The following ECD variants were observed in gnomAD, a reference collection of about 807,000 sequenced individuals.
The protein encoded by ECD is protein ecdysoneless homolog.
ECD carries 59 observed loss-of-function variants against 77.2 expected under a neutral mutation model. The ratio of observed to expected loss-of-function variants is 0.76; its 90% CI spans 0.62 to 0.95. The LOEUF is 0.95. ECD is among the 40% of genes least tolerant of loss of function. The pLI is 0.00. For synonymous variants in ECD, 233 were observed against 267.4 expected (o/e 0.87, Z 1.26); for missense variants, 704 against 763.4 (o/e 0.92, Z 0.92).
At chr10:73,155,184 A>T (rs1188438331) in intron 5 of ECD, among the ~76,000 whole-genome samples, 1 of 151,846 alleles carries the variant, frequency 6.6e-6, no homozygotes, top group African/African-American at 2.4e-5. Flanking sequence ...TCCTGCGCTC[A>T]GTCTCCCAAG....
intron 3 of ECD, among the ~76,000 whole-genome samples, chr10:73,158,599 G>A (rs1266810196): frequency 3.3e-5 from 5 of 151,968 alleles, no homozygotes; most frequent in Non-Finnish European, 5.9e-5. Context: ...AGCCAGGTGT[G>A]GTGGTGCACG....
At position 73,134,536 on chromosome 10, in the gene ECD, T is replaced by C. The variant is rs1160783144; in HGVS notation, c.*47A>G. 1 of 1,473,844 alleles carries C rather than the reference T, an allele frequency of 6.8e-7. No homozygotes were observed. The highest frequency in any genetic ancestry group is 9.3e-7 in the Non-Finnish European group (1 of 1,070,590). 91.3% of individuals were successfully genotyped at this position (1,473,844 alleles called of 1,614,324 possible). A position where few individuals can be genotyped will look rare whatever the true frequency, so the allele number is the denominator to read the frequency against. ...TCTAAACTAGAAATGAACAGAATCATATTCAATATTTATTTAAAAAGAAAA... is the reference window on the plus strand; with the variant it reads ...TCTAAACTAGAAATGAACAGAATCACATTCAATATTTATTTAAAAAGAAAA... On this transcript the variant is annotated 3_prime_UTR_variant, in exon 14 of 14. Coordinates refer to ENST00000372979, the MANE Select transcript of ECD (RefSeq NM_007265.3).
At chr10:73,160,677 G>T in intron 2 of ECD, 126 bp from the exon 3 acceptor site, 1 of 629,536 alleles carries the variant, frequency 1.6e-6, no homozygotes, top group Non-Finnish European at 2.6e-6. Context: ...AGCAGGGGTT[G>T]CAATCCTGAA....
In ECD at chr10:73,163,954, T is replaced by A. The variant is rs1270599944; in HGVS notation, c.-13-4A>T. 1.2e-6 allele frequency: 2 copies of A among 1,605,404 alleles called. No homozygotes were observed. The highest frequency in any genetic ancestry group is 1.5e-5 in the African/African-American group (1 of 68,236). On this transcript the variant is annotated splice_region_variant and splice_polypyrimidine_tract_variant and intron_variant, in intron 1 of 13. Transcript: ENST00000372979. ...TTCTTCCATTCTTCTTTGAAAACTA[T>A]GTTTAAAGTTCCAAAATATAAACCA...
intron 7 of ECD, among the ~76,000 whole-genome samples, chr10:73,149,726 A>G (rs924515871): frequency 5.9e-5 from 9 of 152,206 alleles, no homozygotes; most frequent in African/African-American, 1.9e-4. Flanking sequence ...CAGGTTTATC[A>G]GGAAGTTACC....
At chr10:73,166,314 G>C (rs1341386766) in intron 1 of ECD, among the ~76,000 whole-genome samples, 1 of 152,156 alleles carries the variant, frequency 6.6e-6, no homozygotes, top group Non-Finnish European at 1.5e-5. Context: ...TTGATATACT[G>C]ATTTCCTTTC....
rs1399485010 is a variant in ECD, at chr10:73,154,399, G to C, written c.640C>G (p.Pro214Ala). Residue 214 changes from proline to alanine, a missense_variant, in exon 6 of 14, where the codon CCA becomes GCA. Physicochemically the swap from Pro to Ala is conservative, Grantham distance 27 (BLOSUM62 -1). Around this residue, in one of 3 missense-constraint regions of ECD, gnomAD observed 559 missense variants for 583.7 expected, o/e 0.96. Coordinates refer to ENST00000372979, the MANE Select transcript of ECD (RefSeq NM_007265.3). ...ASLHRAHCFL[P>A]AGIVAVLKQR... is the part of the protein sequence containing the mutation. ...TTTAGCACTGCCACAATGCCAGCTG[G>C]AAGGAAGCAGTGTGCTCGATGAAGT... 6.2e-7 allele frequency: 1 copy of C among 1,613,706 alleles called. No individual in the cohort carries two copies. Among genetic ancestry groups the C allele is most frequent in the Non-Finnish European group, 8.5e-7 (1 of 1,179,958 alleles).
At chr10:73,163,227 A>G (rs1843403963) in intron 2 of ECD, among the ~76,000 whole-genome samples, 2 of 152,348 alleles carry the variant, frequency 1.3e-5, no homozygotes, top group African/African-American at 4.8e-5. Flanking sequence ...GGAAGCAATG[A>G]AGAAACCTCA....
chr10:73,150,332 T>C (rs983109494), intron 7 of ECD, among the ~76,000 whole-genome samples: 4 of 152,214 alleles, frequency 2.6e-5, no homozygotes, highest in South Asian at 2.1e-4. Flanking sequence ...TGTAGAAAGC[T>C]GAAACTGGAT....
chr10:73,141,714 A>T (rs1843060884), intron 9 of ECD, among the ~76,000 whole-genome samples: 1 of 151,950 alleles, frequency 6.6e-6, no homozygotes, highest in African/African-American at 2.4e-5. Flanking sequence ...TTTTGTTATG[A>T]TTATTTGGTT....
intron 3 of ECD, among the ~76,000 whole-genome samples, chr10:73,158,844 C>T (rs1843337067): frequency 6.6e-6 from 1 of 151,818 alleles, no homozygotes; most frequent in Non-Finnish European, 1.5e-5. Context: ...TCAAGTCCCG[C>T]CTGGGCAAAA....
chr10:73,139,513 A>G lies in ECD; in HGVS notation c.1235-18T>C. 1 of 1,610,772 alleles carries G rather than the reference A, an allele frequency of 6.2e-7. No homozygotes were observed. The highest frequency in any genetic ancestry group is 8.5e-7 in the Non-Finnish European group (1 of 1,178,898). On this transcript the variant is annotated intron_variant, in intron 10 of 13. Coordinates refer to ENST00000372979, the MANE Select transcript of ECD (RefSeq NM_007265.3). ...CTGGTCATCTGAAAAAGAAGAAAGC[A>G]TAATACTGCCATTCTACATTCACAT...
chr10:73,156,762 A>C, intron 3 of ECD, 107 bp from the exon 4 acceptor site: 1 of 1,071,248 alleles, frequency 9.3e-7, no homozygotes, highest in Non-Finnish European at 1.4e-6. Context: ...TAAATATTTG[A>C]GTATGTACTA....
intron 6 of ECD, among the ~76,000 whole-genome samples, chr10:73,153,600 G>C (rs1297011688): frequency 6.6e-6 from 1 of 151,012 alleles, no homozygotes; most frequent in Non-Finnish European, 1.5e-5. Flanking sequence ...GGCGTGTTGG[G>C]AGGTGACTGT....
rs543681326 is a variant in ECD at position 73,144,222 on chromosome 10, C to T, written c.1127+2054G>A. Among the ~76,000 whole-genome samples, 26 of 152,072 alleles carry T rather than the reference C, an allele frequency of 1.7e-4. No homozygotes were observed. In the South Asian group the frequency reaches 2.9e-3, roughly 17 times the overall value. On this transcript the variant is annotated intron_variant, in intron 9 of 13. Transcript: ENST00000372979. The stretch of plus-strand genomic sequence containing the variant: ...TTCATTTATCCATTATTGATGGATA[C>T]TTTGGTTGCTTATAATTTTTCACTA...
intron 2 of ECD, among the ~76,000 whole-genome samples, chr10:73,161,830 C>T (rs1262465397): frequency 2.0e-5 from 3 of 152,170 alleles, no homozygotes; most frequent in Admixed American, 1.3e-4. Context: ...ATAGATTATT[C>T]ACCACGACCA....
chr10:73,138,620 G>A (rs1008044477), intron 11 of ECD, among the ~76,000 whole-genome samples: 1 of 151,806 alleles, frequency 6.6e-6, no homozygotes, highest in Non-Finnish European at 1.5e-5. Flanking sequence ...AGGCTGCGGT[G>A]CAGTGGCACG....
At chr10:73,148,203 T>G in intron 8 of ECD, 73 bp downstream of exon 8, 2 of 1,568,624 alleles carry the variant, frequency 1.3e-6, no homozygotes, top group Admixed American at 3.6e-5. Context: ...AAATATGGAC[T>G]ATAGGACTTT....
chr10:73,164,090 C>T (rs765813458), intron 1 of ECD, 140 bp from the exon 2 acceptor site: 13 of 685,392 alleles, frequency 1.9e-5, no homozygotes, highest in Non-Finnish European at 3.1e-5. Flanking sequence ...AATCCTATCA[C>T]TTTGGGAGGC....
Sources: gnomAD v4.1 joint callset for allele counts (sites outside exome capture counted in the v4.1 genomes callset) on GRCh38, gnomAD v4.1.1 for gene constraint, gnomAD v4.1.1 regional missense constraint, MANE v1.5 for transcripts, NCBI Gene and HGNC (gene_info 2026-07-23, HGNC 2026-07-21) for gene names.